MOCS1: variants seen among roughly 807,000 people sequenced by gnomAD.
MOCS1 encodes the protein molybdenum cofactor synthesis 1, also known as molybdenum cofactor biosynthesis protein 1.
MOCS1 carries 39 observed loss-of-function variants against 57.6 expected under a neutral mutation model. That is an observed-to-expected ratio of 0.68 (90% CI 0.52 to 0.88). The LOEUF (loss-of-function observed/expected upper bound fraction) is 0.88, where lower values mean the gene tolerates loss of function less well. Among genes scored for constraint, MOCS1 ranks in the 40% least tolerant of loss-of-function variants. The pLI is 0.00. For synonymous variants in MOCS1, 334 were observed against 335.7 expected, an observed-to-expected ratio of 1.00 and a Z score of 0.05; for missense variants, 795 against 831.1, an observed-to-expected ratio of 0.96 and a Z score of 0.53.
At position 39,909,913 on chromosome 6, in the gene MOCS1, G is replaced by A; in HGVS notation, c.1024C>T (p.Leu342=). ...TCCTGCTCAGAGGCCCCAGCTCGCA[G>A]GTGATCCCGCAGGGATACCTCAGAG... ...GNSEVSLRDH[L]RAGASEQELL... The change falls in exon 9 of 11, where the codon CTG becomes TTG. Residue 342 remains leucine (L), a synonymous_variant. Transcript: ENST00000340692. 1.9e-6 allele frequency: 3 copies of A among 1,613,860 alleles called. No individual in the cohort carries two copies. The highest frequency in any genetic ancestry group is 2.5e-6 in the Non-Finnish European group (3 of 1,180,008).
chr6:39,928,489 C>T (rs1054147609), intron 1 of MOCS1, among the ~76,000 whole-genome samples: 1 of 152,130 alleles, frequency 6.6e-6, no homozygotes, highest in Non-Finnish European at 1.5e-5. Flanking sequence ...AAATTACTCC[C>T]TTCTATCACA....
chr6:39,905,380 A>G lies in MOCS1; in HGVS notation c.*977T>C. 2.2e-6 allele frequency: 1 copy of G among 464,778 alleles called. No homozygotes were observed. The highest frequency in any genetic ancestry group is 4.4e-6 in the Non-Finnish European group (1 of 227,010). The allele number at this position is 464,778 out of a possible 1,614,324, so 28.8% of individuals were successfully genotyped here. On this transcript the variant is annotated 3_prime_UTR_variant, in exon 11 of 11. Coordinates refer to ENST00000340692, the MANE Select transcript of MOCS1 (RefSeq NM_001358530.2). ...GGGGCTATACAGAGAGTACACCCTT[A>G]GGCCTTTCCAGGTCCCTCCTCTTCT... is the stretch of plus-strand genomic sequence containing the variant.
intron 3 of MOCS1, among the ~76,000 whole-genome samples, chr6:39,921,450 T>A (rs971930971): frequency 6.6e-6 from 1 of 152,112 alleles, no homozygotes; most frequent in Non-Finnish European, 1.5e-5. Context: ...TGGGTTTCCT[T>A]AGGAACCACT....
In MOCS1 at chr6:39,906,973, G is replaced by T; in HGVS notation, c.1295C>A (p.Thr432Asn). ...TLWKGCRVPQ[T>N]PPLAQQRLGS... ...CAGCCGCTGCTGGGCTAGAGGAGGGGTCTGGGGGACCCTGCATCCTTTCCA... is the reference window on the plus strand; with the variant it reads ...CAGCCGCTGCTGGGCTAGAGGAGGGTTCTGGGGGACCCTGCATCCTTTCCA... The change falls in exon 11 of 11, where the codon ACC (threonine) becomes AAC (asparagine). Residue 432 changes from threonine (T) to asparagine (N), a missense_variant. Around this residue, in one of 3 missense-constraint regions of MOCS1, gnomAD observed 374 missense variants for 422.6 expected, o/e 0.89. Coordinates refer to ENST00000340692, the MANE Select transcript of MOCS1 (RefSeq NM_001358530.2). 1.2e-6 allele frequency: 2 copies of T among 1,614,128 alleles called. No individual in the cohort carries two copies. Among genetic ancestry groups the T allele is most frequent in the South Asian group, 2.2e-5 (2 of 91,074 alleles).
intron 10 of MOCS1, among the ~76,000 whole-genome samples, chr6:39,907,842 T>C (rs1767053414): frequency 6.6e-6 from 1 of 152,172 alleles, no homozygotes; most frequent in Admixed American, 6.5e-5. Context: ...TCCCCAGTGA[T>C]TCACATGCAC....
chr6:39,914,620 C>G (rs927426669), intron 4 of MOCS1, among the ~76,000 whole-genome samples: 1 of 152,224 alleles, frequency 6.6e-6, no homozygotes, highest in African/African-American at 2.4e-5. Context: ...CCAGCCTGCA[C>G]AGCCTGGGTG....
At chr6:39,909,735 C>A in intron 9 of MOCS1, 100 bp downstream of exon 9, 1 of 1,535,022 alleles carries the variant, frequency 6.5e-7, no homozygotes. Context: ...CAGCTTCCCC[C>A]TAGGTGTTCC....
intron 3 of MOCS1, among the ~76,000 whole-genome samples, chr6:39,921,571 G>C (rs900609933): frequency 1.3e-5 from 2 of 152,000 alleles, no homozygotes; most frequent in Non-Finnish European, 2.9e-5. Context: ...TATGCAACTG[G>C]AGCCCACCAA....
chr6:39,911,593 A>G (rs1408988707), intron 8 of MOCS1, among the ~76,000 whole-genome samples: 1 of 152,110 alleles, frequency 6.6e-6, no homozygotes, highest in Admixed American at 6.5e-5. Context: ...AGCCCCCTAC[A>G]ATGTAGTCTT....
Position 39,934,422 on chromosome 6 carries a change from C to G in MOCS1, c.-5G>C, listed in dbSNP as rs1190703078. 6 of 1,567,726 alleles carry G rather than the reference C, an allele frequency of 3.8e-6. No individual in the cohort carries two copies. Among genetic ancestry groups the G allele is most frequent in the Non-Finnish European group, 5.2e-6 (6 of 1,162,692 alleles). Reference sequence around the variant, plus strand: ...GGACAGTGGCCGCGCCGCCATGAAGCCTGATACGAGCGGAACCGCAGCCCG... The same window carrying G: ...GGACAGTGGCCGCGCCGCCATGAAGGCTGATACGAGCGGAACCGCAGCCCG... On this transcript the variant is annotated 5_prime_UTR_variant, in exon 1 of 11. Transcript: ENST00000340692.
chr6:39,932,732 A>G (rs1409174715), intron 1 of MOCS1, among the ~76,000 whole-genome samples: 2 of 152,270 alleles, frequency 1.3e-5, no homozygotes, highest in African/African-American at 4.8e-5. Context: ...TGCCAGTGGC[A>G]GCATGGATAA....
Position 39,913,019 on chromosome 6 carries a change from G to T in MOCS1, c.758-15C>A. ...CCACTTGTTGCCTGTATTCGGGATG[G>T]GGGAAGGCAAGGGGAGCTTCTGAAT... is the stretch of plus-strand genomic sequence containing the variant. On this transcript the variant is annotated splice_polypyrimidine_tract_variant and intron_variant, in intron 6 of 10. Transcript: ENST00000340692. 1 of 1,609,164 alleles carries T rather than the reference G, an allele frequency of 6.2e-7. No homozygotes were observed. The highest frequency in any genetic ancestry group is 8.5e-7 in the Non-Finnish European group (1 of 1,175,516).
At position 39,906,818 on chromosome 6, in the gene MOCS1, G is replaced by GAGTT. The variant is rs760011180; in HGVS notation, c.1446_1449dup (p.His484AsnfsTer124). 1.2e-6 allele frequency: 2 copies of GAGTT among 1,614,196 alleles called. No homozygotes were observed. Among genetic ancestry groups the GAGTT allele is most frequent in the Admixed American group, 1.7e-5 (1 of 60,024 alleles). On this transcript the variant is annotated frameshift_variant, in exon 11 of 11. Coordinates refer to ENST00000340692, the MANE Select transcript of MOCS1 (RefSeq NM_001358530.2). LOFTEE classifies it high-confidence loss of function. ...GCTGCCCGTCCTTCCGAGTCCACAT[G>GAGTT]AGTTAGTTGTTCTGAGGTTAGCTGG...
chr6:39,915,427 C>T (rs1767601144), intron 4 of MOCS1, among the ~76,000 whole-genome samples: 1 of 152,158 alleles, frequency 6.6e-6, no homozygotes, highest in East Asian at 1.9e-4. Flanking sequence ...TCCCAAATAT[C>T]AAAGGGTATC....
chr6:39,923,533 C>T (rs1201602625), intron 3 of MOCS1, among the ~76,000 whole-genome samples: 1 of 152,260 alleles, frequency 6.6e-6, no homozygotes, highest in Non-Finnish European at 1.5e-5. Flanking sequence ...ACAAGGCGGC[C>T]CATGCCCGCG....
intron 3 of MOCS1, among the ~76,000 whole-genome samples, chr6:39,922,173 A>G (rs987962240): frequency 6.6e-6 from 1 of 152,166 alleles, no homozygotes; most frequent in African/African-American, 2.4e-5. Flanking sequence ...TACTTAAATG[A>G]ACGAAAAAAT....
intron 1 of MOCS1, among the ~76,000 whole-genome samples, chr6:39,931,630 A>G (rs1768648662): frequency 6.6e-6 from 1 of 150,554 alleles, no homozygotes; most frequent in African/African-American, 2.4e-5. Flanking sequence ...AGTCAAGATG[A>G]CCTCCTGAAA....
chr6:39,911,081 A>G (rs976857389), intron 8 of MOCS1, among the ~76,000 whole-genome samples: 12 of 152,160 alleles, frequency 7.9e-5, no homozygotes, highest in African/African-American at 2.7e-4. Context: ...CAAGTACCTC[A>G]ATATCCTTTA....
chr6:39,912,330 T>C lies in MOCS1; in HGVS notation c.915A>G (p.Thr305=). 1 of 1,613,992 alleles carries C rather than the reference T, an allele frequency of 6.2e-7. No individual in the cohort carries two copies. Among genetic ancestry groups the C allele is most frequent in the Admixed American group, 1.7e-5 (1 of 60,022 alleles). ...PGFQGQISFI[T]SMSEHFCGTC... ...TCCCACAGAAATGCTCAGACATGGA[T>C]GTGATGAAGCTGATCTGGCCTTGGA... The change falls in exon 8 of 11, where the codon ACA becomes ACG. Residue 305 remains threonine, a synonymous_variant. Coordinates refer to ENST00000340692, the MANE Select transcript of MOCS1 (RefSeq NM_001358530.2).
Sources: gnomAD v4.1 joint callset for allele counts (sites outside exome capture counted in the v4.1 genomes callset) on GRCh38, gnomAD v4.1.1 for gene constraint, gnomAD v4.1.1 regional missense constraint, MANE v1.5 for transcripts, NCBI Gene and HGNC (gene_info 2026-07-23, HGNC 2026-07-21) for gene names.